The following NREP variants were observed in gnomAD, a reference collection of about 807,000 sequenced individuals.
The protein encoded by NREP is neuronal regeneration-related protein.
In NREP, 5 loss-of-function variants were observed where a neutral mutation model predicts 8.6. The ratio of observed to expected loss-of-function variants is 0.58; its 90% CI spans 0.30 to 1.22. NREP has a LOEUF of 1.22. Among genes scored for constraint, NREP ranks in the 50% most tolerant of loss-of-function variants. The pLI is 0.07. For synonymous variants in NREP, 27 were observed against 28.0 expected (o/e 0.96, Z 0.11); for missense variants, 86 against 82.5 (o/e 1.04, Z -0.17).
At chr5:111,771,081 T>A (rs1007875895) in intron 2 of NREP, among the ~76,000 whole-genome samples, 9 of 152,292 alleles carry the variant, frequency 5.9e-5, no homozygotes, top group Non-Finnish European at 1.3e-4. Context: ...TATTTTATAA[T>A]TTTTTTCCTA....
chr5:111,830,976 A>G (rs1199799900), intron 2 of NREP, among the ~76,000 whole-genome samples: 1 of 152,234 alleles, frequency 6.6e-6, no homozygotes, highest in African/African-American at 2.4e-5. Flanking sequence ...TCCATAAGTG[A>G]TGGAAGGAAT....
intron 2 of NREP, among the ~76,000 whole-genome samples, chr5:111,842,906 G>A (rs1459519481): frequency 6.6e-6 from 1 of 152,072 alleles, no homozygotes; most frequent in African/African-American, 2.4e-5. Flanking sequence ...ACTCTTCCTG[G>A]CTAAGAAATC....
At chr5:111,861,437 T>G (rs556386458) in intron 2 of NREP, among the ~76,000 whole-genome samples, 1 of 152,260 alleles carries the variant, frequency 6.6e-6, no homozygotes, top group Admixed American at 6.5e-5. Context: ...ACATCATGTT[T>G]TCAGGAAAGT....
intron 2 of NREP, among the ~76,000 whole-genome samples, chr5:111,955,469 G>GAA (rs576072237): frequency 3.1e-4 from 29 of 93,572 alleles, no homozygotes; most frequent in Middle Eastern, 5.8e-3. Flanking sequence ...GGCCAATACA[G>GAA]AAAAAAAAAA....
At position 111,779,635 on chromosome 5, in the gene NREP, T is replaced by C. The variant is rs1751445765; in HGVS notation, c.136-44128A>G. Among the ~76,000 whole-genome samples, 3 of 152,176 alleles carry C rather than the reference T, an allele frequency of 2.0e-5. No individual in the cohort carries two copies. In the South Asian group the frequency reaches 6.2e-4, roughly 31 times the overall value. On this transcript the variant is annotated intron_variant, in intron 2 of 3. Transcript: ENST00000395634. ...CTGTGGAGAAACAAGTGGGAATTTG[T>C]ATTATGGCTTGCCCGTGAGAACCAA...
At chr5:111,915,830 T>C (rs746218751) in intron 2 of NREP, among the ~76,000 whole-genome samples, 15 of 152,156 alleles carry the variant, frequency 9.9e-5, no homozygotes, top group Non-Finnish European at 1.8e-4. Flanking sequence ...ATGAACTAAA[T>C]TGATTTCACG....
upstream of NREP, among the ~76,000 whole-genome samples, chr5:111,761,314 GCAC>G (rs1421483237): frequency 6.6e-6 from 1 of 152,132 alleles, no homozygotes; most frequent in East Asian, 1.9e-4. Context: ...TTGAATGAGG[GCAC>G]TTTTGCAGTG....
intron 2 of NREP, among the ~76,000 whole-genome samples, chr5:111,765,226 G>T (rs1325691503): frequency 6.6e-6 from 1 of 152,174 alleles, no homozygotes; most frequent in Non-Finnish European, 1.5e-5. Flanking sequence ...GTTCACAGTA[G>T]GGTTCACAGT....
intron 2 of NREP, among the ~76,000 whole-genome samples, chr5:111,817,690 A>G (rs1561678683): frequency 6.6e-6 from 1 of 151,002 alleles, no homozygotes; most frequent in Admixed American, 6.6e-5. Context: ...CTGTAGTCCC[A>G]GCTACTCGGG....
intron 2 of NREP, among the ~76,000 whole-genome samples, chr5:111,911,832 T>A (rs981884977): frequency 1.3e-5 from 2 of 152,088 alleles, no homozygotes; most frequent in Non-Finnish European, 2.9e-5. Context: ...TTTATACTCA[T>A]TGCCTACCTA....
chr5:111,776,509 C>A (rs76192389), intron 2 of NREP, among the ~76,000 whole-genome samples: 2 of 152,098 alleles, frequency 1.3e-5, no homozygotes, highest in Non-Finnish European at 2.9e-5. Flanking sequence ...AAAAGACATG[C>A]GCAAGTCTGT....
chr5:111,914,510 T>C (rs2112567952), intron 2 of NREP, among the ~76,000 whole-genome samples: 1 of 152,238 alleles, frequency 6.6e-6, no homozygotes, highest in East Asian at 1.9e-4. Flanking sequence ...AGTTCTAAGT[T>C]GCTAGCCAAT....
chr5:111,788,534 G>A (rs1301720360), intron 2 of NREP, among the ~76,000 whole-genome samples: 1 of 152,168 alleles, frequency 6.6e-6, no homozygotes, highest in Non-Finnish European at 1.5e-5. Flanking sequence ...GAACTGACTG[G>A]GAAGAACATA....
chr5:111,738,567 A>G (rs1303959553), intron 2 of NREP: 1 of 152,220 alleles, frequency 6.6e-6, no homozygotes, highest in Non-Finnish European at 1.5e-5. Context: ...ATGCAGCAAG[A>G]GTTCATGAAA....
At chr5:111,835,506 G>A (rs1325567851) in intron 2 of NREP, among the ~76,000 whole-genome samples, 3 of 152,168 alleles carry the variant, frequency 2.0e-5, no homozygotes. Context: ...CTTCTCAGGG[G>A]AGGAAATCCT....
rs79422219 is a variant in NREP at position 111,749,778 on chromosome 5, G to C, written c.3+5992C>G. 2.0e-4 allele frequency among the ~76,000 whole-genome samples: 31 copies of C among 152,230 alleles called. No homozygotes were observed. In the East Asian group the frequency reaches 5.8e-3, roughly 29 times the overall value. ...CCAAGCAGACACTGCTGAACCTGCT[G>C]GGATCTGCCAATGAAAGTGCTGCCA... On this transcript the variant is annotated intron_variant, in intron 2 of 3. Coordinates refer to ENST00000257435, the MANE Select transcript of NREP (RefSeq NM_004772.4).
intron 2 of NREP, among the ~76,000 whole-genome samples, chr5:111,905,553 T>C (rs1352945014): frequency 1.3e-5 from 2 of 152,154 alleles, no homozygotes; most frequent in African/African-American, 2.4e-5. Flanking sequence ...ATTCCAAATA[T>C]ACAGATCATT....
chr5:111,921,356 T>C (rs1755234008), intron 2 of NREP, among the ~76,000 whole-genome samples: 1 of 152,092 alleles, frequency 6.6e-6, no homozygotes, highest in South Asian at 2.1e-4. Flanking sequence ...TGATCTCCAA[T>C]TCAGCCATTT....
chr5:111,782,871 A>G (rs559239670), intron 2 of NREP, among the ~76,000 whole-genome samples: 92 of 151,928 alleles, frequency 6.1e-4, no homozygotes, highest in African/African-American at 2.1e-3. Context: ...AGTAGCTGTG[A>G]TTACAGTCAT....
Sources: gnomAD v4.1 joint callset for allele counts (sites outside exome capture counted in the v4.1 genomes callset) on GRCh38, gnomAD v4.1.1 for gene constraint, MANE v1.5 for transcripts, NCBI Gene and HGNC (gene_info 2026-07-23, HGNC 2026-07-21) for gene names.